TTBK1: variants seen among roughly 807,000 people sequenced by gnomAD.
The protein encoded by TTBK1 is tau tubulin kinase 1, also known as tau-tubulin kinase 1.
TTBK1 carries 34 observed loss-of-function variants against 108.5 expected under a neutral mutation model. The ratio of observed to expected loss-of-function variants is 0.31; its 90% CI spans 0.24 to 0.42. The LOEUF is 0.42. TTBK1 is among the 10% of genes least tolerant of loss of function. TTBK1 has a pLI of 1.00. For synonymous variants in TTBK1, 809 were observed against 795.1 expected, an observed-to-expected ratio of 1.02 and a Z score of -0.29; for missense variants, 1,539 against 1,826.0, an observed-to-expected ratio of 0.84 and a Z score of 2.86.
rs940279096 is a variant in TTBK1, at chr6:43,268,732, GC to G, written c.1986+5385del. Among the ~76,000 whole-genome samples, 9 of 152,322 alleles carry G rather than the reference GC, an allele frequency of 5.9e-5. No individual in the cohort carries two copies. In the South Asian group the frequency reaches 1.7e-3, roughly 28 times the overall value. On this transcript the variant is annotated intron_variant, in intron 13 of 14. Coordinates refer to ENST00000259750, the MANE Select transcript of TTBK1 (RefSeq NM_032538.3). Reference sequence around the variant, plus strand: ...CAGAAGGCGATGAGGCAGCAGTTCTGCCCAGCCCTGTACACAAGCTGCCTGG... The same window carrying G: ...CAGAAGGCGATGAGGCAGCAGTTCTGCCAGCCCTGTACACAAGCTGCCTGG...
At chr6:43,249,152 C>G (rs1437513784) in intron 2 of TTBK1, among the ~76,000 whole-genome samples, 1 of 151,986 alleles carries the variant, frequency 6.6e-6, no homozygotes, top group Non-Finnish European at 1.5e-5. Context: ...CTGAAGAAAC[C>G]TTTGTGACCA....
At position 43,285,301 on chromosome 6, in the gene TTBK1, A is replaced by G; in HGVS notation, c.3891A>G (p.Arg1297=). 7.7e-7 allele frequency: 1 copy of G among 1,294,286 alleles called. No individual in the cohort carries two copies. The highest frequency in any genetic ancestry group is 2.6e-5 in the South Asian group (1 of 38,604). 80.2% of individuals were successfully genotyped at this position (1,294,286 alleles called of 1,614,324 possible). The change falls in exon 15 of 15, where the codon AGA becomes AGG. Residue 1297 remains arginine (R), a synonymous_variant. Transcript: ENST00000259750. This position sits in a 1 kb window ranked among gnomAD's most constrained non-coding sequence, Gnocchi z 4.7. ...PSPGGSKKGP[R]GKLQAQRATT... is the part of the protein sequence containing the mutation. ...CCGGGGGCTCCAAGAAAGGACCCAG[A>G]GGGAAACTCCAGGCTCAGCGCGCAA... is the stretch of plus-strand genomic sequence containing the variant.
At chr6:43,268,019 C>T (rs895455510) in intron 13 of TTBK1, among the ~76,000 whole-genome samples, 22 of 152,214 alleles carry the variant, frequency 1.4e-4, no homozygotes, top group Non-Finnish European at 2.5e-4. Context: ...TAACAGAGCA[C>T]TCTTATCTGC....
chr6:43,263,099 G>A lies in TTBK1; in HGVS notation c.1735G>A (p.Glu579Lys), dbSNP rs771856576. Residue 579 changes from glutamate (E) to lysine (K), a missense_variant, in exon 13 of 15, where the codon GAG becomes AAG. Glu to Lys is a moderately conservative substitution (Grantham distance 56). Around this residue, in one of 5 missense-constraint regions of TTBK1, gnomAD observed 1,055 missense variants for 1,086.5 expected, o/e 0.97. Transcript: ENST00000259750. This position sits in a 1 kb window ranked among gnomAD's most constrained non-coding sequence, Gnocchi z 4.7. Reference sequence around the variant, plus strand: ...GCCCGAGGAGCTGCGGCCACTGCCCGAGGAGGGCGAAGAGCGGCGGCGGCT... The same window carrying A: ...GCCCGAGGAGCTGCGGCCACTGCCCAAGGAGGGCGAAGAGCGGCGGCGGCT... ...EEPEELRPLP[E>K]EGEERRRLGA... is the part of the protein sequence containing the mutation. 25 of 1,570,102 alleles carry A rather than the reference G, an allele frequency of 1.6e-5. No homozygotes were observed. The highest frequency in any genetic ancestry group is 1.2e-4 in the African/African-American group (9 of 74,088).
At position 43,253,227 on chromosome 6, in the gene TTBK1, AT is replaced by A; in HGVS notation, c.257-63del. On this transcript the variant is annotated intron_variant, in intron 3 of 14. Transcript: ENST00000259750. This position sits in a 1 kb window ranked among gnomAD's most constrained non-coding sequence, Gnocchi z 5.8. ...GGAATCAAGAGTGCACTAGGAACCC[AT>A]CTTAGGGTTGGAAATGAGGAAGAAA... The A allele has an allele frequency of 6.4e-7, 1 of 1,574,370 alleles. No homozygotes were observed. Among genetic ancestry groups the A allele is most frequent in the Non-Finnish European group, 8.7e-7 (1 of 1,144,128 alleles).
In TTBK1 at chr6:43,253,603, G is replaced by C. The variant is rs55666504; in HGVS notation, c.366G>C (p.Pro122=). ...RNLADLRRSQ[P]RGTFTLSTTL... ...TGGCCGACCTGCGCCGTAGCCAGCC[G>C]CGAGGCACCTTCACGCTGAGCACCA... is the stretch of plus-strand genomic sequence containing the variant. The change falls in exon 5 of 15, where the codon CCG becomes CCC. Residue 122 remains proline, a synonymous_variant. Transcript: ENST00000259750. This position sits in a 1 kb window ranked among gnomAD's most constrained non-coding sequence, Gnocchi z 5.8. 2.0e-5 allele frequency: 32 copies of C among 1,612,636 alleles called. No individual in the cohort carries two copies. The highest frequency in any genetic ancestry group is 2.6e-5 in the Non-Finnish European group (31 of 1,179,624).
chr6:43,257,001 G>T lies in TTBK1; in HGVS notation c.862-811G>T, dbSNP rs1777399525. 6.6e-6 allele frequency among the ~76,000 whole-genome samples: 1 copy of T among 152,146 alleles called. No homozygotes were observed. ...ATGGGGGAAACATCAGCAGTGTTCT[G>T]CCTGGGATCCACTACACGCCAGGCA... is the stretch of plus-strand genomic sequence containing the variant. On this transcript the variant is annotated intron_variant, in intron 9 of 14. Transcript: ENST00000259750. The surrounding 1 kb of genome is among the most constrained non-coding windows in gnomAD (Gnocchi z 4.5).
Position 43,254,632 on chromosome 6 carries a change from C to T in TTBK1, c.557C>T (p.Thr186Ile), listed in dbSNP as rs149338707. 5.9e-5 allele frequency: 93 copies of T among 1,584,552 alleles called. No homozygotes were observed. The highest frequency in any genetic ancestry group is 7.8e-5 in the Non-Finnish European group (91 of 1,166,916). Residue 186 changes from threonine to isoleucine, a missense_variant, in exon 6 of 15, where the codon ACC becomes ATC. Around this residue, in one of 5 missense-constraint regions of TTBK1, gnomAD observed 155 missense variants for 348.5 expected, o/e 0.44. Coordinates refer to ENST00000259750, the MANE Select transcript of TTBK1 (RefSeq NM_032538.3). ...DFGLARQYTNTTGDVRPPRNV... is the reference protein window; with the variant it reads ...DFGLARQYTNITGDVRPPRNV... Reference sequence around the variant, plus strand: ...GGGCTGGCCCGGCAGTACACCAACACCACGGGGGATGTGCGGCCCGTGAGT... The same window carrying T: ...GGGCTGGCCCGGCAGTACACCAACATCACGGGGGATGTGCGGCCCGTGAGT...
rs55950221 is a variant in TTBK1, at chr6:43,283,560, C to A, written c.2820C>A (p.Asn940Lys). The A allele has an allele frequency of 6.2e-7, 1 of 1,614,044 alleles. No homozygotes were observed. Among genetic ancestry groups the A allele is most frequent in the Non-Finnish European group, 8.5e-7 (1 of 1,180,010 alleles). ...ACATTGCGGAGAAAACCCACCTCAA[C>A]GTCATGTCTTCCGGTGGACAAGCCT... ...FVHIAEKTHL[N>K]VMSSGGQALR... Residue 940 changes from asparagine (N) to lysine (K), a missense_variant, in exon 14 of 15, where the codon AAC becomes AAA. Transcript: ENST00000259750. The surrounding 1 kb of genome is among the most constrained non-coding windows in gnomAD (Gnocchi z 8.1).
intron 13 of TTBK1, among the ~76,000 whole-genome samples, chr6:43,268,656 G>C (rs1480673824): frequency 6.6e-6 from 1 of 152,142 alleles, no homozygotes. Context: ...CACATATCTG[G>C]GACACTTCCA....
intron 2 of TTBK1, among the ~76,000 whole-genome samples, chr6:43,247,523 A>T (rs1237774107): frequency 6.6e-6 from 1 of 151,736 alleles, no homozygotes; most frequent in African/African-American, 2.4e-5. Context: ...AATGTGGGGC[A>T]GACTGTGGGC....
rs1437142736 is a variant in TTBK1 at position 43,269,806 on chromosome 6, G to T, written c.1986+6456G>T. 6.5e-7 allele frequency: 1 copy of T among 1,549,370 alleles called. No individual in the cohort carries two copies. Among genetic ancestry groups the T allele is most frequent in the South Asian group, 1.2e-5 (1 of 85,456 alleles). On this transcript the variant is annotated intron_variant, in intron 13 of 14. Coordinates refer to ENST00000259750, the MANE Select transcript of TTBK1 (RefSeq NM_032538.3). This position sits in a 1 kb window ranked among gnomAD's most constrained non-coding sequence, Gnocchi z 4.8. The stretch of plus-strand genomic sequence containing the variant: ...TCCGGTTCCCTCATTCAGCGCAGCC[G>T]CTCGGCTGAGAGCAGCCCTGTGCGG...
intron 13 of TTBK1, chr6:43,271,200 C>A (rs1777824698): frequency 1.0e-6 from 1 of 985,308 alleles, no homozygotes; most frequent in African/African-American, 1.7e-5. Flanking sequence ...GGGGAGGAGG[C>A]CCAAAGATTT....
rs756292430 is a variant in TTBK1, at chr6:43,284,003, A to C, written c.3263A>C (p.Asp1088Ala). 6.9e-6 allele frequency: 11 copies of C among 1,593,248 alleles called. No individual in the cohort carries two copies. The African/African-American group carries it at 1.1e-4, about 16-fold the overall frequency. Residue 1088 changes from aspartate to alanine, a missense_variant, in exon 14 of 15, where the codon GAC becomes GCC. Around this residue, in one of 5 missense-constraint regions of TTBK1, gnomAD observed 1,055 missense variants for 1,086.5 expected, o/e 0.97. Transcript: ENST00000259750. ...AGCAAGCGGGCTCGGCCGCAGCAGGACCTGGCGCGGCTGGTGATGGAGAAG... is the reference window on the plus strand; with the variant it reads ...AGCAAGCGGGCTCGGCCGCAGCAGGCCCTGGCGCGGCTGGTGATGGAGAAG... ...RWSKRARPQQ[D>A]LARLVMEKRQ...
intron 13 of TTBK1, among the ~76,000 whole-genome samples, chr6:43,280,442 C>T (rs1339316851): frequency 6.6e-6 from 1 of 152,210 alleles, no homozygotes; most frequent in Non-Finnish European, 1.5e-5. Flanking sequence ...TGCTATATGC[C>T]TTTGCTTATA....
intron 2 of TTBK1, among the ~76,000 whole-genome samples, chr6:43,248,554 C>G (rs887771691): frequency 1.2e-4 from 18 of 152,308 alleles, no homozygotes; most frequent in African/African-American, 4.3e-4. Context: ...GAAACCTCAT[C>G]TCTACTAAAA....
chr6:43,245,706 T>C lies in TTBK1; in HGVS notation c.-54-901T>C, dbSNP rs529702066. Among the ~76,000 whole-genome samples the C allele has an allele frequency of 3.3e-5, 5 of 152,302 alleles. No homozygotes were observed. The South Asian group carries it at 8.3e-4, about 25-fold the overall frequency. On this transcript the variant is annotated intron_variant, in intron 1 of 14. Coordinates refer to ENST00000259750, the MANE Select transcript of TTBK1 (RefSeq NM_032538.3). ...CTCCCTGATATCTAAATTCTACCTG[T>C]CCTAATTCGAGGAGAGATGTGTTCT...
At chr6:43,250,437 G>T (rs961062185) in intron 2 of TTBK1, among the ~76,000 whole-genome samples, 2 of 144,756 alleles carry the variant, frequency 1.4e-5, no homozygotes, top group African/African-American at 5.2e-5. Context: ...GCTCACTGCA[G>T]CCTCCGCCTC....
At chr6:43,261,808 C>CAAAAA (rs11409412) in intron 12 of TTBK1, among the ~76,000 whole-genome samples, 3 of 86,070 alleles carry the variant, frequency 3.5e-5, no homozygotes, top group African/African-American at 9.2e-5. Flanking sequence ...GATTCTGTCT[C>CAAAAA]AAAAAAAAAA....
Sources: gnomAD v4.1 joint callset for allele counts (sites outside exome capture counted in the v4.1 genomes callset) on GRCh38, gnomAD v4.1.1 for gene constraint, gnomAD v4.1.1 regional missense constraint, Gnocchi (gnomAD v3.1) non-coding constraint, MANE v1.5 for transcripts, NCBI Gene and HGNC (gene_info 2026-07-23, HGNC 2026-07-21) for gene names.